Variants in COL5A1 observed in about 807,000 individuals in gnomAD.
COL5A1 encodes collagen type V alpha 1 chain.
In COL5A1, 16 loss-of-function variants were observed where a neutral mutation model predicts 263.7. The observed-to-expected ratio is 0.06, with a 90% CI of 0.04 to 0.09. COL5A1 has a LOEUF of 0.09. Ranked by LOEUF, COL5A1 falls within the 10% of genes least tolerant of loss-of-function variation. The probability of loss-of-function intolerance (pLI) is 1.00; values close to 1 mark genes in which losing one functional copy is unlikely to be tolerated. For missense variants in COL5A1, 2,036 were observed against 2,540.5 expected, an observed-to-expected ratio of 0.80 and a Z score of 4.27; for synonymous variants, 1,012 against 1,004.5, an observed-to-expected ratio of 1.01 and a Z score of -0.14.
chr9:134,714,326 A>G, intron 4 of COL5A1, among the ~76,000 whole-genome samples: 1 of 148,432 alleles, frequency 6.7e-6, no homozygotes, highest in Non-Finnish European at 1.5e-5. Context: ...TGGTGGTGAT[A>G]TTAATGGTGA....
rs1169332697 is a variant in COL5A1 at position 134,842,648 on chromosome 9, T to G, written c.*345T>G. On this transcript the variant is annotated 3_prime_UTR_variant, in exon 66 of 66. Coordinates refer to ENST00000371817, the MANE Select transcript of COL5A1 (RefSeq NM_000093.5). The surrounding 1 kb of genome is among the most constrained non-coding windows in gnomAD (Gnocchi z 5.8). ...CTGTTCGTGAATAGGTCTCAGGGGT[T>G]GGGGGAGGGACTGCCAGATTTGGAC... The G allele has an allele frequency of 2.4e-6, 1 of 418,654 alleles. No individual in the cohort carries two copies. Among genetic ancestry groups the G allele is most frequent in the African/African-American group, 2.0e-5 (1 of 50,074 alleles). The allele number at this position is 418,654 out of a possible 1,614,324, so 25.9% of individuals were successfully genotyped here.
In COL5A1 at chr9:134,694,441, C is replaced by T. The variant is rs1275592230; in HGVS notation, c.277+3362C>T. ...AGCCATGAATAGAACAGATGGAGCC[C>T]GGCCTCCTCTGGCCTGGGAGAGCGA... is the stretch of plus-strand genomic sequence containing the variant. On this transcript the variant is annotated intron_variant, in intron 2 of 65. Transcript: ENST00000371817. Among the ~76,000 whole-genome samples the T allele has an allele frequency of 3.9e-5, 6 of 152,228 alleles. No homozygotes were observed. In the East Asian group the frequency reaches 5.8e-4, roughly 15 times the overall value.
intron 4 of COL5A1, 77 bp from the exon 5 acceptor site, chr9:134,727,189 G>A (rs1834694643): frequency 3.4e-6 from 5 of 1,491,966 alleles, no homozygotes; most frequent in Non-Finnish European, 4.7e-6. Flanking sequence ...CTGCTTCAAG[G>A]CATGGGGCTG....
chr9:134,715,592 C>A (rs775188061), intron 4 of COL5A1, among the ~76,000 whole-genome samples: 20 of 152,158 alleles, frequency 1.3e-4, no homozygotes, highest in Non-Finnish European at 5.9e-5. Flanking sequence ...GTCCCCGCGG[C>A]CTTCTGCAGT....
chr9:134,692,182 T>C (rs1833308837), intron 2 of COL5A1, among the ~76,000 whole-genome samples: 1 of 152,336 alleles, frequency 6.6e-6, no homozygotes, highest in African/African-American at 2.4e-5. Flanking sequence ...ACCGAGTCTC[T>C]GCCTTGCAGC....
At chr9:134,645,363 C>T (rs938143428) in intron 1 of COL5A1, among the ~76,000 whole-genome samples, 1 of 152,214 alleles carries the variant, frequency 6.6e-6, no homozygotes, top group Non-Finnish European at 1.5e-5. Context: ...CCGCCCCATC[C>T]CACCTCCTGG....
chr9:134,795,349 T>G, intron 34 of COL5A1, 34 bp downstream of exon 34: 2 of 1,603,268 alleles, frequency 1.2e-6, no homozygotes, highest in Non-Finnish European at 1.7e-6. Flanking sequence ...GTGGGCGGCG[T>G]GAACCCAAGT....
chr9:134,706,684 G>A (rs1177416390), intron 4 of COL5A1, among the ~76,000 whole-genome samples: 1 of 152,212 alleles, frequency 6.6e-6, no homozygotes, highest in East Asian at 1.9e-4. Flanking sequence ...GGGATCCCGG[G>A]GACCAGTGGC....
At position 134,727,252 on chromosome 9, in the gene COL5A1, CTCT is replaced by C. The variant is rs1395935002; in HGVS notation, c.655-9_655-7del. Reference sequence around the variant, plus strand: ...CTGTGAGCTGCTTTTTCATGAGCGTCTCTTCTTTTCCAGGGTGACATCCAGCAG... The same window carrying C: ...CTGTGAGCTGCTTTTTCATGAGCGTCTCTTTTCCAGGGTGACATCCAGCAG... On this transcript the variant is annotated splice_polypyrimidine_tract_variant and intron_variant, in intron 4 of 65. Coordinates refer to ENST00000371817, the MANE Select transcript of COL5A1 (RefSeq NM_000093.5). The C allele has an allele frequency of 1.5e-5, 25 of 1,613,308 alleles. No individual in the cohort carries two copies. In the African/African-American group the frequency reaches 2.3e-4, roughly 15 times the overall value.
At position 134,796,429 on chromosome 9, in the gene COL5A1, G is replaced by A. The variant is rs1837912283; in HGVS notation, c.2844+11G>A. The A allele has an allele frequency of 6.2e-7, 1 of 1,613,880 alleles. No individual in the cohort carries two copies. Among genetic ancestry groups the A allele is most frequent in the Admixed American group, 1.7e-5 (1 of 60,014 alleles). ...CCTCCTGGTGAACGGGTAAGCAGCT[G>A]GAGCCTTCGGGGGTGTCTCCAAGGG... On this transcript the variant is annotated intron_variant, in intron 35 of 65. Transcript: ENST00000371817.
At chr9:134,726,616 A>G (rs971860415) in intron 4 of COL5A1, among the ~76,000 whole-genome samples, 2 of 150,544 alleles carry the variant, frequency 1.3e-5, no homozygotes, top group African/African-American at 4.9e-5. Context: ...GGATGGATGG[A>G]CAGATGAATG....
intron 28 of COL5A1, among the ~76,000 whole-genome samples, chr9:134,781,904 G>A (rs902082512): frequency 2.0e-5 from 3 of 152,202 alleles, no homozygotes; most frequent in Non-Finnish European, 4.4e-5. Flanking sequence ...GACCGGCTGA[G>A]TCCCCAGATC....
intron 2 of COL5A1, among the ~76,000 whole-genome samples, chr9:134,698,778 C>G (rs1253155439): frequency 6.6e-6 from 1 of 152,260 alleles, no homozygotes; most frequent in Non-Finnish European, 1.5e-5. Flanking sequence ...TCAGGGGCCT[C>G]TGGGCCACCT....
chr9:134,692,609 C>T (rs766432859), intron 2 of COL5A1, among the ~76,000 whole-genome samples: 2 of 152,184 alleles, frequency 1.3e-5, no homozygotes, highest in Non-Finnish European at 2.9e-5. Flanking sequence ...GGGAAGTAAG[C>T]GCTCCTGCTT....
At position 134,757,211 on chromosome 9, in the gene COL5A1, G is replaced by A. The variant is rs1007687462; in HGVS notation, c.1881+393G>A. Among the ~76,000 whole-genome samples the A allele has an allele frequency of 1.9e-4, 29 of 152,126 alleles. No individual in the cohort carries two copies. Among genetic ancestry groups the A allele is most frequent in the Admixed American group, 2.0e-4 (3 of 15,280 alleles). ...GTGGAGGTGAGTAGATGTTGCCCGT[G>A]GCTAAAGGCAGGGCTGTGTGTGTGG... On this transcript the variant is annotated intron_variant, in intron 17 of 65. Transcript: ENST00000371817. The surrounding 1 kb of genome is among the most constrained non-coding windows in gnomAD (Gnocchi z 6.2).
In COL5A1 at chr9:134,729,560, C is replaced by CTG. The variant is rs1491230174; in HGVS notation, c.925-667_925-666dup. ...CATGCGGGCACGGGTGTGCATGAGCCTGTGTGTGTGAGCGTGTGTGAGCGT... is the reference window on the plus strand; with the variant it reads ...CATGCGGGCACGGGTGTGCATGAGCCTGTGTGTGTGTGAGCGTGTGTGAGCGT... On this transcript the variant is annotated intron_variant, in intron 6 of 65. Transcript: ENST00000371817. 2.5e-3 allele frequency among the ~76,000 whole-genome samples: 225 copies of CTG among 88,402 alleles called. 2 individuals carry two copies. The highest frequency in any genetic ancestry group is 5.7e-3 in the South Asian group (10 of 1,752). 58.0% of individuals were successfully genotyped at this position (88,402 alleles called of 152,430 possible).
In COL5A1 at chr9:134,680,628, C is replaced by G. The variant is rs1307562180; in HGVS notation, c.110-10284C>G. ...AGGCCTTGAGGTGGGGCCCCAGGGG[C>G]TTGGGGAGGGTGGCCATGCTGTGCA... On this transcript the variant is annotated intron_variant, in intron 1 of 65. Coordinates refer to ENST00000371817, the MANE Select transcript of COL5A1 (RefSeq NM_000093.5). This position sits in a 1 kb window ranked among gnomAD's most constrained non-coding sequence, Gnocchi z 5.9. 6.6e-6 allele frequency among the ~76,000 whole-genome samples: 1 copy of G among 152,148 alleles called. No homozygotes were observed.
chr9:134,782,800 C>T lies in COL5A1; in HGVS notation c.2484+80C>T, dbSNP rs368849831. On this transcript the variant is annotated intron_variant, in intron 29 of 65. Transcript: ENST00000371817. ...TGTGGGAGGGGGTGGGGATGTTTGCCGCCACAGGGCAGCTTCTCAGAATGG... is the reference window on the plus strand; with the variant it reads ...TGTGGGAGGGGGTGGGGATGTTTGCTGCCACAGGGCAGCTTCTCAGAATGG... 37 of 1,306,330 alleles carry T rather than the reference C, an allele frequency of 2.8e-5. No homozygotes were observed. In the East Asian group the frequency reaches 3.9e-4, roughly 14 times the overall value. The allele number at this position is 1,306,330 out of a possible 1,614,324, so 80.9% of individuals were successfully genotyped here. A position where few individuals can be genotyped will look rare whatever the true frequency, so the allele number is the denominator to read the frequency against.
In COL5A1 at chr9:134,754,940, G is replaced by A. The variant is rs1304216422; in HGVS notation, c.1827+614G>A. Among the ~76,000 whole-genome samples the A allele has an allele frequency of 3.3e-5, 5 of 152,244 alleles. No individual in the cohort carries two copies. The highest frequency in any genetic ancestry group is 1.9e-4 in the East Asian group (1 of 5,172). On this transcript the variant is annotated intron_variant, in intron 16 of 65. Transcript: ENST00000371817. The surrounding 1 kb of genome is among the most constrained non-coding windows in gnomAD (Gnocchi z 4.3). ...CTTTCTGGTGAACGAGAGAAATTTC[G>A]GTGCAGGGTTGGATTTGTTTCAGTG...
Sources: gnomAD v4.1 joint callset for allele counts (sites outside exome capture counted in the v4.1 genomes callset) on GRCh38, gnomAD v4.1.1 for gene constraint, Gnocchi (gnomAD v3.1) non-coding constraint, MANE v1.5 for transcripts, NCBI Gene and HGNC (gene_info 2026-07-23, HGNC 2026-07-21) for gene names.